KCNS1: variants seen among roughly 807,000 people sequenced by gnomAD.
KCNS1 encodes delayed-rectifier potassium channel regulatory subunit KCNS1.
A neutral mutation model predicts 33.1 loss-of-function variants in KCNS1; 26 were observed. The observed-to-expected ratio is 0.79, with a 90% CI of 0.58 to 1.09. The LOEUF (loss-of-function observed/expected upper bound fraction) is 1.09, where lower values mean the gene tolerates loss of function less well. KCNS1 is among the 50% of genes least tolerant of loss of function. The pLI, the probability that KCNS1 is intolerant of heterozygous loss-of-function variation, is 0.00. For synonymous variants in KCNS1, 299 were observed against 338.8 expected (o/e 0.88, Z 1.29); for missense variants, 702 against 752.4 (o/e 0.93, Z 0.78).
At chr20:45,099,019 G>T in intron 2 of KCNS1, 142 bp downstream of exon 2, 1 of 823,624 alleles carries the variant, frequency 1.2e-6, no homozygotes, top group Non-Finnish European at 1.9e-6. Flanking sequence ...GGATGTCCTG[G>T]CACCTAGTGG....
In KCNS1 at chr20:45,094,551, A is replaced by G; in HGVS notation, c.*319T>C. On this transcript the variant is annotated 3_prime_UTR_variant, in exon 4 of 4. Transcript: ENST00000537075. ...GGGATAATTCTCTTTCTCCAACACA[A>G]GGCCAAACATGACCTGGTTCATGTA... The G allele has an allele frequency of 4.0e-6, 1 of 248,192 alleles. No homozygotes were observed. The highest frequency in any genetic ancestry group is 7.8e-6 in the Non-Finnish European group (1 of 128,248). The allele number at this position is 248,192 out of a possible 1,614,324, so 15.4% of individuals were successfully genotyped here. A position where few individuals can be genotyped will look rare whatever the true frequency, so the allele number is the denominator to read the frequency against.
rs1981112519 is a variant in KCNS1, at chr20:45,094,646, G to A, written c.*224C>T. 1.1e-5 allele frequency: 6 copies of A among 525,156 alleles called. No homozygotes were observed. The highest frequency in any genetic ancestry group is 2.0e-5 in the Non-Finnish European group (6 of 295,674). 32.5% of individuals were successfully genotyped at this position (525,156 alleles called of 1,614,324 possible). On this transcript the variant is annotated 3_prime_UTR_variant, in exon 4 of 4. Coordinates refer to ENST00000537075, the MANE Select transcript of KCNS1 (RefSeq NM_001322799.2). The stretch of plus-strand genomic sequence containing the variant: ...TCTGGCTCATGCCTGCTTCATGAAT[G>A]GCTTGGAGGCAGGTTTATAAAGCTT...
At position 45,098,007 on chromosome 20, in the gene KCNS1, A is replaced by G; in HGVS notation, c.765T>C (p.Ala255=). The G allele has an allele frequency of 1.3e-6, 2 of 1,514,480 alleles. No homozygotes were observed. The highest frequency in any genetic ancestry group is 1.8e-6 in the Non-Finnish European group (2 of 1,135,060). The allele number at this position is 1,514,480 out of a possible 1,614,324, so 93.8% of individuals were successfully genotyped here. A position where few individuals can be genotyped will look rare whatever the true frequency, so the allele number is the denominator to read the frequency against. The part of the protein sequence containing the change: ...YQAREAAAAV[A]AVAAGRSPEG... Reference sequence around the variant, plus strand: ...CCGGGCTGCGGCCCGCGGCCACCGCAGCCACGGCGGCCGCCGCCTCGCGGG... The same window carrying G: ...CCGGGCTGCGGCCCGCGGCCACCGCGGCCACGGCGGCCGCCGCCTCGCGGG... Residue 255 remains alanine, a synonymous_variant, in exon 3 of 4, where the codon GCT becomes GCC. Coordinates refer to ENST00000537075, the MANE Select transcript of KCNS1 (RefSeq NM_001322799.2). The surrounding 1 kb of genome is among the most constrained non-coding windows in gnomAD (Gnocchi z 5.2).
intron 3 of KCNS1, 46 bp downstream of exon 3, chr20:45,097,616 G>T: frequency 1.3e-6 from 2 of 1,539,354 alleles, no homozygotes; most frequent in Non-Finnish European, 1.7e-6. Context: ...CTGCCGGATG[G>T]CTACACCCGC....
Position 45,099,220 on chromosome 20 carries a change from A to C in KCNS1, c.17T>G (p.Val6Gly). The C allele has an allele frequency of 6.6e-7, 1 of 1,524,866 alleles. No homozygotes were observed. Among genetic ancestry groups the C allele is most frequent in the Non-Finnish European group, 8.9e-7 (1 of 1,122,626 alleles). The allele number at this position is 1,524,866 out of a possible 1,614,324, so 94.5% of individuals were successfully genotyped here. A position where few individuals can be genotyped will look rare whatever the true frequency, so the allele number is the denominator to read the frequency against. Residue 6 changes from valine (V) to glycine (G), a missense_variant, in exon 2 of 4, where the codon GTC (valine) becomes GGC (glycine). This residue lies in a region of KCNS1 where 374 missense variants were observed against 352.3 expected (regional missense o/e 1.06). Coordinates refer to ENST00000537075, the MANE Select transcript of KCNS1 (RefSeq NM_001322799.2). MLMLL[V>G]RGTHYENLRS... ...GAGGTTCTCATAGTGTGTTCCCCGG[A>C]CCAGCAGCATCAGCATCACCTGGGA...
chr20:45,098,794 T>C lies in KCNS1; in HGVS notation c.77-99A>G. The C allele has an allele frequency of 8.7e-7, 1 of 1,154,622 alleles. No individual in the cohort carries two copies. The highest frequency in any genetic ancestry group is 1.1e-6 in the Non-Finnish European group (1 of 888,926). The allele number at this position is 1,154,622 out of a possible 1,614,324, so 71.5% of individuals were successfully genotyped here. The stretch of plus-strand genomic sequence containing the variant: ...CTCCATCCAACCAGCCAAGGGGTGT[T>C]GGAGGCTGTGTGTGAAGCATCTGGT... On this transcript the variant is annotated intron_variant, in intron 2 of 3. Coordinates refer to ENST00000537075, the MANE Select transcript of KCNS1 (RefSeq NM_001322799.2). This position sits in a 1 kb window ranked among gnomAD's most constrained non-coding sequence, Gnocchi z 5.2.
chr20:45,097,721 G>A lies in KCNS1; in HGVS notation c.1051C>T (p.Arg351Cys), dbSNP rs747780284. The change falls in exon 3 of 4, where the codon CGC (arginine) becomes TGC (cysteine). Residue 351 changes from arginine (R) to cysteine (C), a missense_variant. Around this residue, in one of 3 missense-constraint regions of KCNS1, gnomAD observed 253 missense variants for 327.4 expected, o/e 0.77. Coordinates refer to ENST00000537075, the MANE Select transcript of KCNS1 (RefSeq NM_001322799.2). The part of the protein sequence containing the change: ...VQVFRLMRIF[R>C]VLKLARHSTG... ...GAATGGCGCGCCAACTTGAGTACGC[G>A]GAAGATGCGCATGAGGCGGAACACC... 1.2e-6 allele frequency: 2 copies of A among 1,611,984 alleles called. No individual in the cohort carries two copies. Among genetic ancestry groups the A allele is most frequent in the Non-Finnish European group, 1.7e-6 (2 of 1,179,946 alleles).
At chr20:45,099,026 G>T in intron 2 of KCNS1, 135 bp downstream of exon 2, 1 of 892,778 alleles carries the variant, frequency 1.1e-6, no homozygotes. Context: ...CTGGCACCTA[G>T]TGGGTGCTCA....
intron 3 of KCNS1, among the ~76,000 whole-genome samples, chr20:45,095,928 G>A (rs975322087): frequency 6.9e-6 from 1 of 144,214 alleles, no homozygotes; most frequent in African/African-American, 2.5e-5. Context: ...ATTTGGGAAC[G>A]TCTAGAGACA....
chr20:45,099,152 AAC>A lies in KCNS1; in HGVS notation c.76+7_76+8del, dbSNP rs1332841934. Reference sequence around the variant, plus strand: ...GTTTCTTCTGCAAAATGAGGATAGTAACACTTACCTCCTAGGGGTGTTGGCAG... The same window carrying A: ...GTTTCTTCTGCAAAATGAGGATAGTAACTTACCTCCTAGGGGTGTTGGCAG... On this transcript the variant is annotated splice_region_variant and intron_variant, in intron 2 of 3. Coordinates refer to ENST00000537075, the MANE Select transcript of KCNS1 (RefSeq NM_001322799.2). 6.4e-7 allele frequency: 1 copy of A among 1,551,060 alleles called. No individual in the cohort carries two copies. Among genetic ancestry groups the A allele is most frequent in the Admixed American group, 2.0e-5 (1 of 50,994 alleles).
At chr20:45,097,292 C>T (rs1335608391) in intron 3 of KCNS1, among the ~76,000 whole-genome samples, 2 of 152,216 alleles carry the variant, frequency 1.3e-5, no homozygotes, top group Non-Finnish European at 2.9e-5. Context: ...AGAAGAAAGG[C>T]TCTAGCAGAA....
chr20:45,098,702 A>C lies in KCNS1; in HGVS notation c.77-7T>G, dbSNP rs755017938. 7 of 1,397,562 alleles carry C rather than the reference A, an allele frequency of 5.0e-6. No individual in the cohort carries two copies. The African/African-American group carries it at 1.0e-4, about 21-fold the overall frequency. The allele number at this position is 1,397,562 out of a possible 1,614,324, so 86.6% of individuals were successfully genotyped here. On this transcript the variant is annotated splice_polypyrimidine_tract_variant and splice_region_variant and intron_variant, in intron 2 of 3. Transcript: ENST00000537075. The surrounding 1 kb of genome is among the most constrained non-coding windows in gnomAD (Gnocchi z 5.2). ...AAGGTTTCAGTGCTCCTCCCTGCGG[A>C]CACCAGAAGGGCGCGCTGAGGAGTT...
chr20:45,100,593 G>T (rs542133457), intron 1 of KCNS1, among the ~76,000 whole-genome samples: 1 of 152,244 alleles, frequency 6.6e-6, no homozygotes, highest in South Asian at 2.1e-4. Flanking sequence ...TGGAGACCAG[G>T]TTTTTTTATT....
chr20:45,097,530 G>A, intron 3 of KCNS1, 132 bp downstream of exon 3: 1 of 893,906 alleles, frequency 1.1e-6, no homozygotes, highest in Non-Finnish European at 1.7e-6. Flanking sequence ...GTGCAGCCCT[G>A]TGCCTGGCAC....
rs758267249 is a variant in KCNS1 at position 45,098,669 on chromosome 20, C to T, written c.103G>A (p.Glu35Lys). The T allele has an allele frequency of 4.8e-5, 69 of 1,450,724 alleles. No homozygotes were observed. The highest frequency in any genetic ancestry group is 8.1e-6 in the Non-Finnish European group (9 of 1,105,440). The allele number at this position is 1,450,724 out of a possible 1,614,324, so 89.9% of individuals were successfully genotyped here. ...ATCCCGGTGTCGGGGCCCGGGAACT[C>T]GCTCACAAAGGTTTCAGTGCTCCTC... ...GGRSTETFVS[E>K]FPGPDTGIRW... The change falls in exon 3 of 4, where the codon GAG (glutamate) becomes AAG (lysine). Residue 35 changes from glutamate to lysine, a missense_variant. By Grantham distance (56) the Glu-to-Lys change is moderately conservative (BLOSUM62 1). Coordinates refer to ENST00000537075, the MANE Select transcript of KCNS1 (RefSeq NM_001322799.2). This position sits in a 1 kb window ranked among gnomAD's most constrained non-coding sequence, Gnocchi z 5.2.
chr20:45,094,334 C>G lies in KCNS1; in HGVS notation c.*536G>C, dbSNP rs892372714. Reference sequence around the variant, plus strand: ...AGGGATTTCTTATCTTGTGGATCAACTCTGGGGATCCATGAATCACCAAAA... The same window carrying G: ...AGGGATTTCTTATCTTGTGGATCAAGTCTGGGGATCCATGAATCACCAAAA... On this transcript the variant is annotated 3_prime_UTR_variant, in exon 4 of 4. Transcript: ENST00000537075. 9 of 153,310 alleles carry G rather than the reference C, an allele frequency of 5.9e-5. No homozygotes were observed. Among genetic ancestry groups the G allele is most frequent in the African/African-American group, 1.9e-4 (8 of 41,436 alleles). The allele number at this position is 153,310 out of a possible 1,614,324, so 9.5% of individuals were successfully genotyped here. A position where few individuals can be genotyped will look rare whatever the true frequency, so the allele number is the denominator to read the frequency against.
chr20:45,091,917 G>A lies in KCNS1; in HGVS notation c.*2953C>T, dbSNP rs190875548. 1.4e-4 allele frequency among the ~76,000 whole-genome samples: 22 copies of A among 152,262 alleles called. No homozygotes were observed. Among genetic ancestry groups the A allele is most frequent in the Non-Finnish European group, 3.2e-4 (22 of 68,024 alleles). ...GCTGACATCTTGATTTTGGATTTCT[G>A]GCCTCCAGAACTGTCAGAGAATACA... On this transcript the variant is annotated 3_prime_UTR_variant, in exon 4 of 4. Coordinates refer to ENST00000537075, the MANE Select transcript of KCNS1 (RefSeq NM_001322799.2).
chr20:45,097,754 C>T lies in KCNS1; in HGVS notation c.1018G>A (p.Val340Met), dbSNP rs770553057. The stretch of plus-strand genomic sequence containing the variant: ...CGCATGAGGCGGAACACCTGCACCA[C>T]CTTGCCCAGGTGGCCGAACTCCTTG... ...GGKEFGHLGK[V>M]VQVFRLMRIF... is the part of the protein sequence containing the mutation. Residue 340 changes from valine to methionine, a missense_variant, in exon 3 of 4, where the codon GTG (valine) becomes ATG (methionine). Coordinates refer to ENST00000537075, the MANE Select transcript of KCNS1 (RefSeq NM_001322799.2). 6.2e-7 allele frequency: 1 copy of T among 1,613,196 alleles called. No individual in the cohort carries two copies. Among genetic ancestry groups the T allele is most frequent in the Non-Finnish European group, 8.5e-7 (1 of 1,179,970 alleles).
In KCNS1 at chr20:45,094,533, T is replaced by A. The variant is rs994164554; in HGVS notation, c.*337A>T. 1.2e-4 allele frequency: 26 copies of A among 218,356 alleles called. No individual in the cohort carries two copies. Among genetic ancestry groups the A allele is most frequent in the East Asian group, 5.5e-4 (5 of 9,164 alleles). 13.5% of individuals were successfully genotyped at this position (218,356 alleles called of 1,614,324 possible). A position where few individuals can be genotyped will look rare whatever the true frequency, so the allele number is the denominator to read the frequency against. On this transcript the variant is annotated 3_prime_UTR_variant, in exon 4 of 4. Transcript: ENST00000537075. The stretch of plus-strand genomic sequence containing the variant: ...TTCCTCATCTGTGAAGTGGGGATAA[T>A]TCTCTTTCTCCAACACAAGGCCAAA...
Sources: gnomAD v4.1 joint callset for allele counts (sites outside exome capture counted in the v4.1 genomes callset) on GRCh38, gnomAD v4.1.1 for gene constraint, gnomAD v4.1.1 regional missense constraint, Gnocchi (gnomAD v3.1) non-coding constraint, MANE v1.5 for transcripts, NCBI Gene and HGNC (gene_info 2026-07-23, HGNC 2026-07-21) for gene names.